The following PHIP variants were observed in gnomAD, a reference collection of about 807,000 sequenced individuals.
The protein encoded by PHIP is PH-interacting protein.
PHIP carries 54 observed loss-of-function variants against 236.8 expected under a neutral mutation model. That is an observed-to-expected ratio of 0.23 (90% CI 0.18 to 0.29). The LOEUF is 0.29. Among genes scored for constraint, PHIP ranks in the 10% least tolerant of loss-of-function variants. The probability of loss-of-function intolerance (pLI) is 1.00; values close to 1 mark genes in which losing one functional copy is unlikely to be tolerated. For synonymous variants in PHIP, 756 were observed against 718.9 expected, an observed-to-expected ratio of 1.05 and a Z score of -0.83; for missense variants, 1,370 against 2,190.8, an observed-to-expected ratio of 0.63 and a Z score of 7.48.
At chr6:79,004,335 T>C in intron 15 of PHIP, 1 of 836,144 alleles carries the variant, frequency 1.2e-6, no homozygotes, top group Non-Finnish European at 1.4e-6. Flanking sequence ...GTCTTTTAAA[T>C]GGTGAATTTC....
At chr6:78,990,841 T>C (rs1220541849) in intron 20 of PHIP, 27 bp downstream of exon 20, 3 of 1,312,156 alleles carry the variant, frequency 2.3e-6, no homozygotes, top group Non-Finnish European at 3.2e-6. Context: ...GAAGCAAATA[T>C]TAAACATCAA....
chr6:78,973,233 A>C (rs953307004), intron 24 of PHIP, among the ~76,000 whole-genome samples: 15 of 152,138 alleles, frequency 9.9e-5, no homozygotes, highest in East Asian at 7.8e-4. Flanking sequence ...CAACATTCTT[A>C]AAGAAAAGAA....
chr6:78,955,723 T>C (rs746840319), intron 32 of PHIP, 41 bp from the exon 33 acceptor site: 4 of 688,544 alleles, frequency 5.8e-6, no homozygotes, highest in Non-Finnish European at 1.0e-5. Context: ...ATTAGAACCA[T>C]GATAATTTTT....
At chr6:78,987,749 A>G (rs1479264626) in intron 21 of PHIP, among the ~76,000 whole-genome samples, 3 of 152,198 alleles carry the variant, frequency 2.0e-5, no homozygotes, top group Non-Finnish European at 4.4e-5. Context: ...ACGCATGAGG[A>G]ATATTTAAAA....
At chr6:78,997,662 A>G (rs1582194559) in intron 18 of PHIP, 65 bp from the exon 19 acceptor site, 4 of 1,218,416 alleles carry the variant, frequency 3.3e-6, no homozygotes, top group Admixed American at 4.7e-5. Context: ...TTATAACAGA[A>G]AAAAGAGATA....
chr6:79,066,844 G>T (rs1241098638), intron 4 of PHIP, among the ~76,000 whole-genome samples: 1 of 152,120 alleles, frequency 6.6e-6, no homozygotes, highest in Non-Finnish European at 1.5e-5. Flanking sequence ...GAATGCCCAT[G>T]TATCAGTAGT....
At chr6:78,974,490 T>A (rs1280513974) in intron 24 of PHIP, among the ~76,000 whole-genome samples, 1 of 151,256 alleles carries the variant, frequency 6.6e-6, no homozygotes, top group African/African-American at 2.4e-5. Context: ...AGCAAACACA[T>A]TCAAAAGCTA....
chr6:79,029,812 T>C (rs1398370559), intron 7 of PHIP, among the ~76,000 whole-genome samples: 1 of 152,166 alleles, frequency 6.6e-6, no homozygotes, highest in Non-Finnish European at 1.5e-5. Flanking sequence ...TTACAGGCTA[T>C]AAATGTGTTT....
chr6:79,032,525 T>C (rs1367367665), intron 7 of PHIP, among the ~76,000 whole-genome samples: 1 of 152,202 alleles, frequency 6.6e-6, no homozygotes, highest in East Asian at 1.9e-4. Flanking sequence ...CTCAAGAAAC[T>C]ACTTTCTTTG....
chr6:78,936,569 T>C lies in PHIP; in HGVS notation c.*4124A>G, dbSNP rs1773277987. The C allele has an allele frequency of 6.6e-6, 1 of 151,868 alleles. No individual in the cohort carries two copies. The allele number at this position is 151,868 out of a possible 1,614,324, so 9.4% of individuals were successfully genotyped here. A position where few individuals can be genotyped will look rare whatever the true frequency, so the allele number is the denominator to read the frequency against. ...TGTAGAAACTCAGCCATGCACTAAG[T>C]ATTTGGTCTGTGCCATAAGGTTAAT... On this transcript the variant is annotated 3_prime_UTR_variant, in exon 40 of 40. Coordinates refer to ENST00000275034, the MANE Select transcript of PHIP (RefSeq NM_017934.7).
intron 6 of PHIP, among the ~76,000 whole-genome samples, chr6:79,051,153 G>T (rs920054958): frequency 1.3e-5 from 2 of 152,048 alleles, no homozygotes; most frequent in Non-Finnish European, 2.9e-5. Context: ...ATAATTCGAG[G>T]GCCAGAATTA....
rs775124536 is a variant in PHIP at position 79,025,948 on chromosome 6, G to A, written c.817C>T (p.Leu273=). 2 of 1,590,890 alleles carry A rather than the reference G, an allele frequency of 1.3e-6. No homozygotes were observed. The highest frequency in any genetic ancestry group is 1.7e-6 in the Non-Finnish European group (2 of 1,159,652). ...ATAGGGATTAAGACAATTACCTGTA[G>A]TGATGTAATAGATGCACTATGGCCC... ...LQGHSASITS[L]QFSPLCSGSK... The change falls in exon 8 of 40, where the codon CTA becomes TTA. Residue 273 remains leucine, a synonymous_variant. Transcript: ENST00000275034.
At chr6:79,070,497 T>C (rs1210599556) in intron 4 of PHIP, among the ~76,000 whole-genome samples, 1 of 152,192 alleles carries the variant, frequency 6.6e-6, no homozygotes. Context: ...ACCCAAAAAC[T>C]AAACCAGAGT....
At chr6:79,045,485 C>T (rs1399864096) in intron 6 of PHIP, among the ~76,000 whole-genome samples, 1 of 151,968 alleles carries the variant, frequency 6.6e-6, no homozygotes. Flanking sequence ...GACAAAAATT[C>T]TCTTATATTT....
At chr6:78,989,384 C>A (rs752323019) in intron 20 of PHIP, among the ~76,000 whole-genome samples, 1 of 152,186 alleles carries the variant, frequency 6.6e-6, no homozygotes, top group Non-Finnish European at 1.5e-5. Context: ...ACTGTCCCAA[C>A]GCACTCTGGC....
At chr6:79,016,259 G>T (rs895742038) in intron 13 of PHIP, among the ~76,000 whole-genome samples, 1 of 151,704 alleles carries the variant, frequency 6.6e-6, no homozygotes, top group South Asian at 2.1e-4. Flanking sequence ...TGTGATAAAC[G>T]AAACATAATA....
At chr6:79,003,302 C>A (rs1477672326) in intron 16 of PHIP, among the ~76,000 whole-genome samples, 3 of 151,972 alleles carry the variant, frequency 2.0e-5, no homozygotes, top group Admixed American at 2.0e-4. Flanking sequence ...ACATTAACTA[C>A]AATCAGGTAA....
At position 79,063,330 on chromosome 6, in the gene PHIP, C is replaced by T. The variant is rs146208868; in HGVS notation, c.190-2512G>A. 2.0e-5 allele frequency among the ~76,000 whole-genome samples: 3 copies of T among 152,316 alleles called. No individual in the cohort carries two copies. The East Asian group carries it at 5.8e-4, about 29-fold the overall frequency. On this transcript the variant is annotated intron_variant, in intron 4 of 39. Transcript: ENST00000275034. ...TTCCCCACTCTCAAAAAACCCAAAA[C>T]ATTTTGTTAGCACCTATCCCAGCAC...
chr6:79,070,206 A>G (rs1773813791), intron 4 of PHIP, among the ~76,000 whole-genome samples: 1 of 152,208 alleles, frequency 6.6e-6, no homozygotes, highest in South Asian at 2.1e-4. Flanking sequence ...CATATGTGCT[A>G]ATTTGTGTAA....
Sources: allele counts gnomAD v4.1 joint callset (sites outside exome capture counted in the v4.1 genomes callset), GRCh38; gene constraint gnomAD v4.1.1; transcripts MANE v1.5; gene names NCBI Gene and HGNC (gene_info 2026-07-23, HGNC 2026-07-21).